Variants in MIR2052HG observed in about 807,000 individuals in gnomAD.
MIR2052HG encodes MIR2052 host gene.
chr8:74,672,654 C>G lies in MIR2052HG; in HGVS notation n.217-29725C>G, dbSNP rs574547640. 3.0e-4 allele frequency among the ~76,000 whole-genome samples: 46 copies of G among 152,080 alleles called. 1 individual carries two copies. The highest frequency in any genetic ancestry group is 1.1e-3 in the African/African-American group (45 of 41,522). ...ATACCTATTATTTAAATACTGTTCC[C>G]AAATTTGCAAGTTCATAAAAATGTC... On this transcript the variant is annotated intron_variant and non_coding_transcript_variant, in intron 2 of 6. Transcript: ENST00000523442.
At chr8:74,698,992 C>A (rs2553709) in intron 2 of MIR2052HG, among the ~76,000 whole-genome samples, 1 of 152,060 alleles carries the variant, frequency 6.6e-6, no homozygotes, top group African/African-American at 2.4e-5. Context: ...AAATGGCCAA[C>A]AAACATATGA....
intron 2 of MIR2052HG, among the ~76,000 whole-genome samples, chr8:74,676,319 G>T (rs1401394857): frequency 6.6e-6 from 1 of 151,948 alleles, no homozygotes; most frequent in East Asian, 1.9e-4. Flanking sequence ...AGAATAAAAA[G>T]AACTGAAATA....
At chr8:74,630,660 A>T (rs1808498411) in intron 2 of MIR2052HG, among the ~76,000 whole-genome samples, 1 of 152,214 alleles carries the variant, frequency 6.6e-6, no homozygotes, top group Non-Finnish European at 1.5e-5. Flanking sequence ...AAACTGAAGG[A>T]CAAAACACTG....
At chr8:74,651,501 T>G (rs1055493622) in intron 2 of MIR2052HG, among the ~76,000 whole-genome samples, 2 of 152,148 alleles carry the variant, frequency 1.3e-5, no homozygotes, top group Non-Finnish European at 2.9e-5. Flanking sequence ...TGCTTTTTAT[T>G]AAAGAATCTT....
intron 2 of MIR2052HG, among the ~76,000 whole-genome samples, chr8:74,641,029 A>T (rs1224809158): frequency 6.6e-6 from 1 of 152,130 alleles, no homozygotes; most frequent in East Asian, 1.9e-4. Context: ...CAATATTAAG[A>T]TGGGTACTTT....
intron 2 of MIR2052HG, among the ~76,000 whole-genome samples, chr8:74,689,750 A>T (rs916157771): frequency 6.6e-6 from 1 of 152,244 alleles, no homozygotes; most frequent in East Asian, 1.9e-4. Context: ...GAATGCAATG[A>T]TATCTATAAT....
At chr8:74,741,840 T>G (rs1809834947) in intron 4 of MIR2052HG, among the ~76,000 whole-genome samples, 2 of 152,110 alleles carry the variant, frequency 1.3e-5, no homozygotes, top group Admixed American at 6.6e-5. Context: ...AGCACAAAAA[T>G]GTAAACAATG....
chr8:74,680,627 A>G (rs1408165247), intron 2 of MIR2052HG, among the ~76,000 whole-genome samples: 2 of 152,318 alleles, frequency 1.3e-5, no homozygotes, highest in African/African-American at 2.4e-5. Context: ...ACTGTAAACT[A>G]GTTCAACCAT....
At chr8:74,709,703 A>C (rs1163131148) in intron 4 of MIR2052HG, among the ~76,000 whole-genome samples, 1 of 152,150 alleles carries the variant, frequency 6.6e-6, no homozygotes, top group Non-Finnish European at 1.5e-5. Context: ...TGTGTCACAC[A>C]TTACTTAGCA....
At chr8:74,680,656 A>C (rs1054855372) in intron 2 of MIR2052HG, among the ~76,000 whole-genome samples, 1 of 152,140 alleles carries the variant, frequency 6.6e-6, no homozygotes, top group African/African-American at 2.4e-5. Flanking sequence ...TCAGTGTGGC[A>C]ATTCCTCAGG....
At chr8:74,630,389 A>G (rs1808492597) in intron 2 of MIR2052HG, among the ~76,000 whole-genome samples, 1 of 152,084 alleles carries the variant, frequency 6.6e-6, no homozygotes, top group Non-Finnish European at 1.5e-5. Context: ...ATATTTGCAA[A>G]TGTCCATTTT....
At chr8:74,635,993 T>C (rs1808577338) in intron 2 of MIR2052HG, among the ~76,000 whole-genome samples, 1 of 152,176 alleles carries the variant, frequency 6.6e-6, no homozygotes, top group African/African-American at 2.4e-5. Context: ...AAACTCATCA[T>C]TTCTTTCCTT....
intron 2 of MIR2052HG, among the ~76,000 whole-genome samples, chr8:74,621,297 T>C (rs1360307936): frequency 6.6e-6 from 1 of 152,242 alleles, no homozygotes; most frequent in Non-Finnish European, 1.5e-5. Flanking sequence ...CAATCTGTGC[T>C]TGTTACCCAG....
At chr8:74,748,094 C>A (rs28478781) in intron 4 of MIR2052HG, among the ~76,000 whole-genome samples, 4,638 of 152,102 alleles carry the variant, frequency 0.03, 242 homozygotes, top group African/African-American at 0.11. Flanking sequence ...ATTTTATGGC[C>A]TTTGTTTTTT....
chr8:74,655,502 C>T (rs1808797234), intron 2 of MIR2052HG, among the ~76,000 whole-genome samples: 1 of 152,208 alleles, frequency 6.6e-6, no homozygotes, highest in South Asian at 2.1e-4. Flanking sequence ...CAAGGTACAG[C>T]TCGGCCATGG....
chr8:74,748,463 G>C (rs573747983), intron 4 of MIR2052HG, among the ~76,000 whole-genome samples: 1 of 152,314 alleles, frequency 6.6e-6, no homozygotes, highest in Non-Finnish European at 1.5e-5. Context: ...TGCAATATAC[G>C]TGTCCAAGGA....
chr8:74,693,618 G>C (rs1201537736), intron 2 of MIR2052HG, among the ~76,000 whole-genome samples: 1 of 145,220 alleles, frequency 6.9e-6, no homozygotes, highest in African/African-American at 2.5e-5. Flanking sequence ...GGCGGGGGGG[G>C]AGGGGTGGGA....
intron 2 of MIR2052HG, among the ~76,000 whole-genome samples, chr8:74,644,751 C>T (rs1368538945): frequency 2.6e-5 from 4 of 151,990 alleles, no homozygotes; most frequent in Middle Eastern, 3.4e-3. Context: ...ATTAGCCGGG[C>T]ATGGTGGTGC....
intron 4 of MIR2052HG, among the ~76,000 whole-genome samples, chr8:74,709,617 T>G (rs1342260742): frequency 6.6e-6 from 1 of 152,164 alleles, no homozygotes; most frequent in Non-Finnish European, 1.5e-5. Context: ...ATTTCTATAT[T>G]AGCTCAAATT....
Sources: gnomAD v4.1 joint callset for allele counts (sites outside exome capture counted in the v4.1 genomes callset) on GRCh38, gnomAD v4.1.1 for gene constraint, MANE v1.5 for transcripts, NCBI Gene and HGNC (gene_info 2026-07-23, HGNC 2026-07-21) for gene names.